The following FNDC3A variants were observed in gnomAD, a reference collection of about 807,000 sequenced individuals.
The protein encoded by FNDC3A is fibronectin type-III domain-containing protein 3A.
FNDC3A carries 32 observed loss-of-function variants against 148.9 expected under a neutral mutation model. That is an observed-to-expected ratio of 0.21 (90% CI 0.16 to 0.29). The LOEUF is 0.29. FNDC3A is among the 10% of genes least tolerant of loss of function. FNDC3A has a pLI of 1.00. For synonymous variants in FNDC3A, 472 were observed against 473.6 expected (o/e 1.00, Z 0.04); for missense variants, 1,191 against 1,452.8 (o/e 0.82, Z 2.93).
Position 49,197,709 on chromosome 13 carries a change from T to C in FNDC3A, c.2341-16T>C. ...AACATCAAGACTAAGACCTTTATCC[T>C]TTTCTTAATTTAAAGGTTCCTTTGA... On this transcript the variant is annotated splice_polypyrimidine_tract_variant and intron_variant, in intron 20 of 25. Coordinates refer to ENST00000492622, the MANE Select transcript of FNDC3A (RefSeq NM_001079673.2). 1 of 1,596,208 alleles carries C rather than the reference T, an allele frequency of 6.3e-7. No homozygotes were observed. Among genetic ancestry groups the C allele is most frequent in the Non-Finnish European group, 8.5e-7 (1 of 1,175,508 alleles).
chr13:49,148,664 T>C (rs1883124595), intron 8 of FNDC3A, among the ~76,000 whole-genome samples: 1 of 152,200 alleles, frequency 6.6e-6, no homozygotes, highest in Admixed American at 6.5e-5. Flanking sequence ...TTCTTTTTAC[T>C]TAGGATTGCG....
chr13:49,173,886 C>T (rs943439088), intron 11 of FNDC3A, among the ~76,000 whole-genome samples: 3 of 152,198 alleles, frequency 2.0e-5, no homozygotes, highest in Non-Finnish European at 4.4e-5. Context: ...TAGTTGTCCT[C>T]TTTTCTCTCT....
intron 1 of FNDC3A, among the ~76,000 whole-genome samples, chr13:48,995,401 T>G (rs527592570): frequency 6.6e-6 from 1 of 152,056 alleles, no homozygotes; most frequent in African/African-American, 2.4e-5. Context: ...TATCCAAAGA[T>G]ATGAAAAAAG....
rs1369237522 is a variant in FNDC3A at position 48,983,985 on chromosome 13, AT to A, written c.-40+7809del. Among the ~76,000 whole-genome samples the A allele has an allele frequency of 1.4e-4, 21 of 152,342 alleles. No homozygotes were observed. The South Asian group carries it at 3.1e-3, about 23-fold the overall frequency. On this transcript the variant is annotated intron_variant, in intron 1 of 25. Transcript: ENST00000492622. ...TAATACAAATACAAATAGCAAAAAA[AT>A]ATGAGATAACAGAAAAAGATTTGTA...
At chr13:49,162,032 C>G (rs1884163067) in intron 8 of FNDC3A, among the ~76,000 whole-genome samples, 1 of 152,068 alleles carries the variant, frequency 6.6e-6, no homozygotes, top group Non-Finnish European at 1.5e-5. Flanking sequence ...CTCTGGCTGC[C>G]CTTAGCATTT....
chr13:49,011,806 G>T (rs927698098), intron 2 of FNDC3A, among the ~76,000 whole-genome samples: 1 of 151,980 alleles, frequency 6.6e-6, no homozygotes, highest in African/African-American at 2.4e-5. Context: ...CAAAAAAAAT[G>T]TTTAAGGTAT....
chr13:49,094,966 A>G (rs896451784), intron 3 of FNDC3A, among the ~76,000 whole-genome samples: 2 of 152,080 alleles, frequency 1.3e-5, no homozygotes, highest in Admixed American at 6.6e-5. Context: ...ATACAGATCC[A>G]TGGAAAATAA....
At chr13:49,169,357 T>C (rs563742087) in intron 10 of FNDC3A, among the ~76,000 whole-genome samples, 29 of 152,348 alleles carry the variant, frequency 1.9e-4, no homozygotes, top group African/African-American at 6.5e-4. Context: ...TGCACAGTTA[T>C]TGCATTTTGG....
At chr13:49,067,634 ACCT>A (rs1408067355) in intron 2 of FNDC3A, among the ~76,000 whole-genome samples, 2 of 152,190 alleles carry the variant, frequency 1.3e-5, no homozygotes, top group East Asian at 3.8e-4. Context: ...AAACCTTATA[ACCT>A]CCAGCATAAA....
chr13:49,056,981 A>G (rs1002391260), intron 2 of FNDC3A, among the ~76,000 whole-genome samples: 1 of 152,136 alleles, frequency 6.6e-6, no homozygotes. Context: ...ATATTTTGAT[A>G]TTGTGTATTC....
intron 4 of FNDC3A, among the ~76,000 whole-genome samples, chr13:49,125,647 T>A (rs1268248196): frequency 6.6e-6 from 1 of 152,182 alleles, no homozygotes; most frequent in African/African-American, 2.4e-5. Flanking sequence ...AGAACACATA[T>A]ATTTCTGATC....
intron 8 of FNDC3A, among the ~76,000 whole-genome samples, chr13:49,152,317 C>T (rs1165693261): frequency 6.6e-6 from 1 of 152,182 alleles, no homozygotes; most frequent in African/African-American, 2.4e-5. Flanking sequence ...TTGCATTTCT[C>T]TGATGACCAG....
chr13:49,047,655 G>T (rs1348400108), intron 2 of FNDC3A, among the ~76,000 whole-genome samples: 2 of 151,894 alleles, frequency 1.3e-5, no homozygotes, highest in Admixed American at 6.6e-5. Flanking sequence ...TTTTTTTCTT[G>T]CTGATTTGTT....
At chr13:49,165,275 G>A (rs1402030030) in intron 8 of FNDC3A, among the ~76,000 whole-genome samples, 2 of 152,142 alleles carry the variant, frequency 1.3e-5, no homozygotes, top group Non-Finnish European at 2.9e-5. Context: ...CAGTATCCAT[G>A]CATCTGGTAT....
intron 2 of FNDC3A, among the ~76,000 whole-genome samples, chr13:49,012,527 A>C (rs1443053592): frequency 3.3e-5 from 5 of 152,006 alleles, no homozygotes; most frequent in Admixed American, 1.3e-4. Flanking sequence ...TTTACATATA[A>C]ATTTTAGAAT....
intron 2 of FNDC3A, among the ~76,000 whole-genome samples, chr13:49,061,822 C>G (rs1160214683): frequency 2.2e-5 from 2 of 91,288 alleles, no homozygotes; most frequent in African/African-American, 8.9e-5. Context: ...CCTCTCCTCT[C>G]CTCTCCCAAG....
rs1884928219 is a variant in FNDC3A, at chr13:49,174,555, A to G, written c.1351A>G (p.Thr451Ala). Residue 451 changes from threonine (T) to alanine (A), a missense_variant, in exon 12 of 26, where the codon ACA becomes GCA. This residue lies in a region of FNDC3A where 751 missense variants were observed against 944.0 expected (regional missense o/e 0.80). Coordinates refer to ENST00000492622, the MANE Select transcript of FNDC3A (RefSeq NM_001079673.2). Reference sequence around the variant, plus strand: ...ACTATCGGCCAGAAATGACTATGGTACAAGGTAAGGTGTACTTTATAAAAG... The same window carrying G: ...ACTATCGGCCAGAAATGACTATGGTGCAAGGTAAGGTGTACTTTATAAAAG... ...FRLSARNDYG[T>A]SGFSEEVLYY... The G allele has an allele frequency of 1.9e-6, 3 of 1,610,804 alleles. No individual in the cohort carries two copies. In the African/African-American group the frequency reaches 4.0e-5, roughly 22 times the overall value.
chr13:49,099,827 C>G (rs539084049), intron 3 of FNDC3A, among the ~76,000 whole-genome samples: 1 of 152,092 alleles, frequency 6.6e-6, no homozygotes, highest in East Asian at 1.9e-4. Context: ...TGAGAGTATC[C>G]TCCACTTAGC....
chr13:49,140,974 A>G (rs1276016080), intron 7 of FNDC3A, among the ~76,000 whole-genome samples: 1 of 152,166 alleles, frequency 6.6e-6, no homozygotes, highest in Non-Finnish European at 1.5e-5. Flanking sequence ...AGTATTGCAA[A>G]CTGAGCAGCA....
Sources: gnomAD v4.1 joint callset for allele counts (sites outside exome capture counted in the v4.1 genomes callset) on GRCh38, gnomAD v4.1.1 for gene constraint, gnomAD v4.1.1 regional missense constraint, MANE v1.5 for transcripts, NCBI Gene and HGNC (gene_info 2026-07-23, HGNC 2026-07-21) for gene names.